Variants in POLN observed in about 807,000 individuals in gnomAD.
POLN encodes the protein DNA polymerase nu.
Under a neutral mutation model 113.5 loss-of-function variants are expected in POLN, and 108 were observed. The observed-to-expected ratio is 0.95, with a 90% confidence interval of 0.81 to 1.12. POLN has a LOEUF of 1.12. Ranked by LOEUF, POLN falls within the 50% of genes most tolerant of loss-of-function variation. The pLI, the probability that POLN is intolerant of heterozygous loss-of-function variation, is 0.00. For missense variants in POLN, 1,097 were observed against 1,077.1 expected (o/e 1.02, Z -0.26); for synonymous variants, 386 against 391.5 (o/e 0.99, Z 0.17).
chr4:2,230,400 C>G (rs1419741223), intron 2 of POLN: 1 of 152,006 alleles, frequency 6.6e-6, no homozygotes, highest in Non-Finnish European at 1.5e-5. Context: ...ACATATTTTC[C>G]ACATTTTTGG....
At chr4:2,110,407 A>G (rs1731162325) in intron 19 of POLN, among the ~76,000 whole-genome samples, 2 of 152,082 alleles carry the variant, frequency 1.3e-5, no homozygotes, top group African/African-American at 4.8e-5. Context: ...AACTGAAGGA[A>G]ATAGAGACAC....
At chr4:2,240,789 A>G (rs1379044928) in intron 2 of POLN, 6 of 1,613,824 alleles carry the variant, frequency 3.7e-6, no homozygotes, top group Non-Finnish European at 5.1e-6. Flanking sequence ...TCTTTCAGAC[A>G]ACACGTTCTG....
At chr4:2,214,456 T>C (rs757538551) in intron 3 of POLN, among the ~76,000 whole-genome samples, 2 of 152,210 alleles carry the variant, frequency 1.3e-5, no homozygotes, top group Admixed American at 6.5e-5. Context: ...GACAAAGGGT[T>C]AACTGCTATA....
intron 21 of POLN, among the ~76,000 whole-genome samples, chr4:2,084,281 T>C (rs959873503): frequency 3.3e-5 from 5 of 152,272 alleles, no homozygotes; most frequent in African/African-American, 1.2e-4. Flanking sequence ...TACCCAGCCC[T>C]ACCTGTTCTC....
intron 13 of POLN, among the ~76,000 whole-genome samples, chr4:2,168,247 C>T (rs565463218): frequency 1.1e-4 from 16 of 152,160 alleles, no homozygotes; most frequent in African/African-American, 2.9e-4. Context: ...CTGGTTTCCC[C>T]GACATCAAAC....
At chr4:2,073,576 C>A (rs1184127459) in intron 24 of POLN, among the ~76,000 whole-genome samples, 1 of 152,240 alleles carries the variant, frequency 6.6e-6, no homozygotes, top group Non-Finnish European at 1.5e-5. Context: ...GCGTGGATCA[C>A]CATGCAGCAG....
chr4:2,187,685 G>C (rs1219759038), intron 7 of POLN, among the ~76,000 whole-genome samples: 1 of 151,916 alleles, frequency 6.6e-6, no homozygotes, highest in Non-Finnish European at 1.5e-5. Flanking sequence ...GCCCCCAAAG[G>C]TCAAGGACAA....
chr4:2,184,004 C>A (rs955794952), intron 7 of POLN, among the ~76,000 whole-genome samples: 1 of 151,802 alleles, frequency 6.6e-6, no homozygotes. Context: ...CAGGCGCACG[C>A]CATCATGCCC....
chr4:2,122,887 T>A (rs1731482317), intron 19 of POLN, among the ~76,000 whole-genome samples: 1 of 152,076 alleles, frequency 6.6e-6, no homozygotes, highest in African/African-American at 2.4e-5. Flanking sequence ...GGGCGGTAGC[T>A]CACACCTGTA....
chr4:2,236,665 C>G (rs983565215), intron 2 of POLN, among the ~76,000 whole-genome samples: 2 of 151,752 alleles, frequency 1.3e-5, no homozygotes, highest in East Asian at 3.9e-4. Flanking sequence ...TCGAGACCAG[C>G]CTGGGCAACA....
intron 2 of POLN, chr4:2,231,415 T>C (rs1461931294): frequency 6.5e-6 from 1 of 152,798 alleles, no homozygotes; most frequent in African/African-American, 2.4e-5. Context: ...CTGGCCAACA[T>C]GGTGAAACCC....
intron 13 of POLN, among the ~76,000 whole-genome samples, chr4:2,160,428 A>G (rs1009207582): frequency 6.6e-6 from 1 of 151,260 alleles, no homozygotes; most frequent in Non-Finnish European, 1.5e-5. Context: ...TTTTTTTTAC[A>G]TAAGGTCTTG....
chr4:2,138,514 G>A (rs538585548), intron 16 of POLN, among the ~76,000 whole-genome samples: 5 of 152,160 alleles, frequency 3.3e-5, no homozygotes, highest in African/African-American at 4.8e-5. Context: ...TGCCCAGCCC[G>A]GACCCCTGGG....
chr4:2,220,889 C>T (rs113248226), intron 3 of POLN, among the ~76,000 whole-genome samples: 1,543 of 152,242 alleles, frequency 0.01, 31 homozygotes, highest in African/African-American at 0.036. Flanking sequence ...AAATGACATA[C>T]GTATGCATGT....
chr4:2,195,155 A>C (rs919721783), intron 6 of POLN, among the ~76,000 whole-genome samples: 2 of 152,170 alleles, frequency 1.3e-5, no homozygotes, highest in African/African-American at 4.8e-5. Flanking sequence ...ATTTATTTAA[A>C]TTTATTTTGA....
At chr4:2,139,304 G>A (rs1408921206) in intron 16 of POLN, among the ~76,000 whole-genome samples, 2 of 152,244 alleles carry the variant, frequency 1.3e-5, no homozygotes, top group Non-Finnish European at 2.9e-5. Context: ...CAGCAAGGCT[G>A]TGGTCACTGT....
chr4:2,148,663 T>TC (rs1553897941), intron 16 of POLN, among the ~76,000 whole-genome samples: 28 of 39,320 alleles, frequency 7.1e-4, no homozygotes, highest in East Asian at 1.8e-3. Flanking sequence ...CGAGACTCTG[T>TC]CCCCCCCCCA....
In POLN at chr4:2,101,400, G is replaced by A. The variant is rs529491062; in HGVS notation, c.1983-5467C>T. Among the ~76,000 whole-genome samples, 360 of 152,258 alleles carry A rather than the reference G, an allele frequency of 2.4e-3. 2 individuals carry two copies. The highest frequency in any genetic ancestry group is 8.0e-3 in the African/African-American group (331 of 41,536). On this transcript the variant is annotated intron_variant, in intron 19 of 25. Transcript: ENST00000511885. ...ACAGCAGTTCAACAGAAAAGCAAAAGAAAACTCCACAATCTAGGAAGAAGG... is the reference window on the plus strand; with the variant it reads ...ACAGCAGTTCAACAGAAAAGCAAAAAAAAACTCCACAATCTAGGAAGAAGG...
intron 22 of POLN, 51 bp from the exon 23 acceptor site, chr4:2,081,087 T>A: frequency 6.2e-7 from 1 of 1,612,278 alleles, no homozygotes; most frequent in Non-Finnish European, 8.5e-7. Context: ...CGGTTCATGG[T>A]GCACTCAGCA....
Sources: allele counts gnomAD v4.1 joint callset (sites outside exome capture counted in the v4.1 genomes callset), GRCh38; gene constraint gnomAD v4.1.1; transcripts MANE v1.5; gene names NCBI Gene and HGNC (gene_info 2026-07-23, HGNC 2026-07-21).